Variants in ANKRD17 observed in about 807,000 individuals in gnomAD.
ANKRD17 encodes the protein ankyrin repeat domain-containing protein 17.
A neutral mutation model predicts 229.7 loss-of-function variants in ANKRD17; 19 were observed. The observed-to-expected ratio is 0.08, with a 90% CI of 0.06 to 0.12. The LOEUF is 0.12. Among genes scored for constraint, ANKRD17 ranks in the 10% least tolerant of loss-of-function variants. ANKRD17 has a pLI of 1.00. For missense variants in ANKRD17, 2,176 were observed against 3,176.8 expected (o/e 0.68, Z 7.57); for synonymous variants, 1,112 against 1,146.1 (o/e 0.97, Z 0.60).
chr4:73,221,862 T>C (rs1741901731), intron 1 of ANKRD17, among the ~76,000 whole-genome samples: 1 of 152,184 alleles, frequency 6.6e-6, no homozygotes, highest in Non-Finnish European at 1.5e-5. Context: ...AGAACAACCA[T>C]GAGACTTGCT....
At chr4:73,162,966 C>A (rs1454395572) in intron 2 of ANKRD17, among the ~76,000 whole-genome samples, 1 of 151,854 alleles carries the variant, frequency 6.6e-6, no homozygotes, top group African/African-American at 2.4e-5. Flanking sequence ...CTCAAGTGAT[C>A]CCCCACTTTG....
intron 1 of ANKRD17, among the ~76,000 whole-genome samples, chr4:73,254,518 A>G (rs1745287954): frequency 6.6e-6 from 1 of 152,208 alleles, no homozygotes; most frequent in South Asian, 2.1e-4. Context: ...CTGTAATCTC[A>G]GCACTCTGGG....
intron 1 of ANKRD17, among the ~76,000 whole-genome samples, chr4:73,237,701 T>G (rs75638026): frequency 6.6e-6 from 1 of 152,172 alleles, no homozygotes; most frequent in Non-Finnish European, 1.5e-5. Context: ...GCTAAGCCTA[T>G]AGCAGAGACG....
chr4:73,187,811 T>C lies in ANKRD17; in HGVS notation c.394-10278A>G, dbSNP rs560794759. Among the ~76,000 whole-genome samples, 4 of 152,318 alleles carry C rather than the reference T, an allele frequency of 2.6e-5. No homozygotes were observed. In the East Asian group the frequency reaches 7.7e-4, roughly 29 times the overall value. On this transcript the variant is annotated intron_variant, in intron 1 of 33. Transcript: ENST00000358602. ...ATAAATATATCACAAAGATTTCTGATTATTTTGAAAATATGAAAGCCAGGA... is the reference window on the plus strand; with the variant it reads ...ATAAATATATCACAAAGATTTCTGACTATTTTGAAAATATGAAAGCCAGGA...
intron 2 of ANKRD17, among the ~76,000 whole-genome samples, chr4:73,176,543 G>C (rs1183917093): frequency 6.6e-6 from 1 of 151,972 alleles, no homozygotes; most frequent in Non-Finnish European, 1.5e-5. Context: ...AGATAGAGTA[G>C]AAGGATGAAT....
intron 6 of ANKRD17, among the ~76,000 whole-genome samples, chr4:73,153,255 G>T (rs185635591): frequency 2.0e-5 from 3 of 152,138 alleles, no homozygotes; most frequent in Admixed American, 1.3e-4. Context: ...ATAGACAGAT[G>T]ACATAAAACA....
At chr4:73,094,676 TATAG>T (rs1723110821) in intron 27 of ANKRD17, among the ~76,000 whole-genome samples, 2 of 149,950 alleles carry the variant, frequency 1.3e-5, no homozygotes, top group South Asian at 4.2e-4. Flanking sequence ...TATATGTATA[TATAG>T]ACATATATAT....
chr4:73,074,217 A>C lies in ANKRD17; in HGVS notation c.*2014T>G, dbSNP rs1207000565. On this transcript the variant is annotated 3_prime_UTR_variant, in exon 34 of 34. Coordinates refer to ENST00000358602, the MANE Select transcript of ANKRD17 (RefSeq NM_032217.5). ...TTTTAAATAAAATACCTCACCTAAG[A>C]AATTCAGTATTGTGAAACAACACAA... The C allele has an allele frequency of 1.3e-5, 2 of 151,978 alleles. No individual in the cohort carries two copies. Among genetic ancestry groups the C allele is most frequent in the African/African-American group, 4.8e-5 (2 of 41,418 alleles). The allele number at this position is 151,978 out of a possible 1,614,324, so 9.4% of individuals were successfully genotyped here.
At chr4:73,167,580 TG>T (rs1733402953) in intron 2 of ANKRD17, among the ~76,000 whole-genome samples, 1 of 152,196 alleles carries the variant, frequency 6.6e-6, no homozygotes, top group Non-Finnish European at 1.5e-5. Flanking sequence ...TGAGTCTTCT[TG>T]TCTTCAGGAG....
intron 20 of ANKRD17, 22 bp downstream of exon 20, chr4:73,120,859 T>C: frequency 2.5e-6 from 4 of 1,600,164 alleles, no homozygotes; most frequent in Non-Finnish European, 3.4e-6. Context: ...AATTCATGTG[T>C]AAATCTCAGA....
Position 73,208,188 on chromosome 4 carries a change from CA to C in ANKRD17, c.394-30656del, listed in dbSNP as rs36126530. ...TGGGCGACACAGCGAGACTCCGTCT[CA>C]AAAAAAAAAAAAAAAAAAAAAAACT... is the stretch of plus-strand genomic sequence containing the variant. On this transcript the variant is annotated intron_variant, in intron 1 of 33. Coordinates refer to ENST00000358602, the MANE Select transcript of ANKRD17 (RefSeq NM_032217.5). Among the ~76,000 whole-genome samples the C allele has an allele frequency of 3.3e-3, 227 of 67,930 alleles. 1 individual carries two copies. Among genetic ancestry groups the C allele is most frequent in the Admixed American group, 0.011 (55 of 4,948 alleles). 44.6% of individuals were successfully genotyped at this position (67,930 alleles called of 152,430 possible). A position where few individuals can be genotyped will look rare whatever the true frequency, so the allele number is the denominator to read the frequency against.
rs747373004 is a variant in ANKRD17, at chr4:73,148,797, TGATA to T, written c.1567+12_1567+15del. ...TTTACACATTTATACTTTAGTGTCT[TGATA>T]GATACGGTTACCTTGACCAAGAAGT... On this transcript the variant is annotated intron_variant, in intron 8 of 33. Coordinates refer to ENST00000358602, the MANE Select transcript of ANKRD17 (RefSeq NM_032217.5). 39 of 1,603,128 alleles carry T rather than the reference TGATA, an allele frequency of 2.4e-5. No homozygotes were observed. Among genetic ancestry groups the T allele is most frequent in the Non-Finnish European group, 3.3e-5 (39 of 1,170,186 alleles).
Position 73,098,120 on chromosome 4 carries a change from T to C in ANKRD17, c.4974A>G (p.Thr1658=), listed in dbSNP as rs73827469. The C allele has an allele frequency of 7.7e-4, 1,230 of 1,607,838 alleles. 11 individuals are homozygous for C. The African/African-American group carries it at 0.015, about 20-fold the overall frequency. ...CAGATTTTCTCTCTTCCTTTGGAAATGTAACAAGAACTGATGGCTGCTTTT... is the reference window on the plus strand; with the variant it reads ...CAGATTTTCTCTCTTCCTTTGGAAACGTAACAAGAACTGATGGCTGCTTTT... ...SSKKQPSVLV[T]FPKEERKSVS... The change falls in exon 26 of 34, where the codon ACA becomes ACG. Residue 1658 remains threonine (T), a synonymous_variant. Coordinates refer to ENST00000358602, the MANE Select transcript of ANKRD17 (RefSeq NM_032217.5).
chr4:73,186,465 G>A (rs977361840), intron 1 of ANKRD17, among the ~76,000 whole-genome samples: 4 of 151,988 alleles, frequency 2.6e-5, no homozygotes, highest in Non-Finnish European at 4.4e-5. Context: ...CTTTCAAAAA[G>A]TCTATTTACA....
chr4:73,118,874 C>A, intron 21 of ANKRD17, 24 bp from the exon 22 acceptor site: 1 of 1,222,064 alleles, frequency 8.2e-7, no homozygotes, highest in Non-Finnish European at 1.1e-6. Context: ...ACACAGATAG[C>A]ATTGTCTTTT....
chr4:73,132,433 A>C (rs1728340167), intron 16 of ANKRD17, among the ~76,000 whole-genome samples: 1 of 152,146 alleles, frequency 6.6e-6, no homozygotes, highest in Non-Finnish European at 1.5e-5. Context: ...TTAAAAACAA[A>C]CATCAAAAAT....
intron 27 of ANKRD17, 53 bp from the exon 28 acceptor site, chr4:73,094,281 G>T: frequency 6.7e-7 from 1 of 1,493,624 alleles, no homozygotes; most frequent in Non-Finnish European, 9.2e-7. Flanking sequence ...AATAGTTATT[G>T]TAATTTTTAA....
intron 3 of ANKRD17, among the ~76,000 whole-genome samples, chr4:73,157,622 C>A (rs1364730596): frequency 3.9e-5 from 6 of 152,000 alleles, no homozygotes; most frequent in Admixed American, 6.5e-5. Flanking sequence ...ACTAAAGGCA[C>A]CTACAGATAA....
At chr4:73,251,113 C>T (rs1262489057) in intron 1 of ANKRD17, among the ~76,000 whole-genome samples, 1 of 152,070 alleles carries the variant, frequency 6.6e-6, no homozygotes, top group Non-Finnish European at 1.5e-5. Flanking sequence ...TCTACACACA[C>T]ACAAAAAGTT....
Sources: gnomAD v4.1 joint callset for allele counts (sites outside exome capture counted in the v4.1 genomes callset) on GRCh38, gnomAD v4.1.1 for gene constraint, MANE v1.5 for transcripts, NCBI Gene and HGNC (gene_info 2026-07-23, HGNC 2026-07-21) for gene names.